The following PKIB variants were observed in gnomAD, a reference collection of about 807,000 sequenced individuals.
PKIB encodes PKI-beta.
A neutral mutation model predicts 4.5 loss-of-function variants in PKIB; 2 were observed. The observed-to-expected ratio is 0.44, with a 90% CI of 0.18 to 1.39. The LOEUF is 1.39. Among genes scored for constraint, PKIB ranks in the 40% most tolerant of loss-of-function variants. PKIB has a pLI of 0.27. For missense variants in PKIB, 94 were observed against 92.6 expected (o/e 1.02, Z -0.06); for synonymous variants, 38 against 36.0 (o/e 1.06, Z -0.20).
intron 3 of PKIB, among the ~76,000 whole-genome samples, chr6:122,714,581 G>C (rs560487541): frequency 6.6e-6 from 1 of 152,036 alleles, no homozygotes; most frequent in East Asian, 1.9e-4. Context: ...TGAAATAAAC[G>C]TGAAACCCAG....
intron 2 of PKIB, among the ~76,000 whole-genome samples, chr6:122,501,840 A>G (rs879511313): frequency 2.0e-5 from 3 of 151,884 alleles, no homozygotes; most frequent in Non-Finnish European, 4.4e-5. Flanking sequence ...TCATGCTGCA[A>G]ATTTTCCAAA....
At chr6:122,680,762 C>G (rs1349675400) in intron 3 of PKIB, among the ~76,000 whole-genome samples, 1 of 152,146 alleles carries the variant, frequency 6.6e-6, no homozygotes, top group African/African-American at 2.4e-5. Flanking sequence ...ACTGCAATTG[C>G]CTCCTAACTC....
At chr6:122,583,904 G>T (rs578249123) in intron 2 of PKIB, among the ~76,000 whole-genome samples, 5 of 152,146 alleles carry the variant, frequency 3.3e-5, no homozygotes, top group Middle Eastern at 3.4e-3. Flanking sequence ...GCCCCTTTTC[G>T]CAGTTTCACT....
chr6:122,544,410 T>C (rs912417266), intron 2 of PKIB, among the ~76,000 whole-genome samples: 1 of 151,978 alleles, frequency 6.6e-6, no homozygotes, highest in African/African-American at 2.4e-5. Context: ...CTAAATTGTC[T>C]GAGCATAACC....
At chr6:122,473,418 T>C (rs1775363186) in intron 1 of PKIB, among the ~76,000 whole-genome samples, 1 of 152,192 alleles carries the variant, frequency 6.6e-6, no homozygotes, top group African/African-American at 2.4e-5. Flanking sequence ...TAGAGTTTTT[T>C]CACCTGAGAT....
At chr6:122,688,573 A>G (rs570269466) in intron 3 of PKIB, among the ~76,000 whole-genome samples, 9 of 152,078 alleles carry the variant, frequency 5.9e-5, no homozygotes, top group African/African-American at 2.2e-4. Context: ...CAGTGAAGCC[A>G]TTGGGTCTCA....
chr6:122,587,589 G>A (rs1773889965), intron 3 of PKIB, among the ~76,000 whole-genome samples: 1 of 152,188 alleles, frequency 6.6e-6, no homozygotes, highest in African/African-American at 2.4e-5. Context: ...CTAGATCCCT[G>A]AGGAATTGTC....
chr6:122,689,080 C>T (rs1289558899), intron 3 of PKIB, among the ~76,000 whole-genome samples: 2 of 152,076 alleles, frequency 1.3e-5, no homozygotes, highest in African/African-American at 4.8e-5. Flanking sequence ...CACACCTGGC[C>T]GATCCTTTCA....
chr6:122,548,255 T>G (rs1412652123), intron 2 of PKIB, among the ~76,000 whole-genome samples: 1 of 152,222 alleles, frequency 6.6e-6, no homozygotes, highest in Non-Finnish European at 1.5e-5. Context: ...ATTTTAAATA[T>G]GAAAATAACC....
chr6:122,636,060 A>G (rs1029799987), intron 2 of PKIB, among the ~76,000 whole-genome samples: 8 of 152,240 alleles, frequency 5.3e-5, no homozygotes, highest in African/African-American at 1.9e-4. Flanking sequence ...TAACTCATTT[A>G]ATCCTCACAA....
At position 122,652,328 on chromosome 6, in the gene PKIB, GT is replaced by G. The variant is rs1776592486; in HGVS notation, c.-76+18962del. Among the ~76,000 whole-genome samples the G allele has an allele frequency of 2.4e-5, 2 of 84,578 alleles. 1 individual carries two copies. The highest frequency in any genetic ancestry group is 2.4e-4 in the Admixed American group (2 of 8,496). 55.5% of individuals were successfully genotyped at this position (84,578 alleles called of 152,430 possible). A position where few individuals can be genotyped will look rare whatever the true frequency, so the allele number is the denominator to read the frequency against. Reference sequence around the variant, plus strand: ...TGTGTGTGTGTGTGTGTGTGTGTGTGTGTGTGGAGAGAGAGAGATTTATTGA... The same window carrying G: ...TGTGTGTGTGTGTGTGTGTGTGTGTGGTGTGGAGAGAGAGAGATTTATTGA... On this transcript the variant is annotated intron_variant, in intron 2 of 4. Transcript: ENST00000368452.
chr6:122,519,961 A>G (rs895266165), intron 2 of PKIB, among the ~76,000 whole-genome samples: 1 of 152,160 alleles, frequency 6.6e-6, no homozygotes, highest in African/African-American at 2.4e-5. Flanking sequence ...CATTTTTCTC[A>G]TTTATCATGT....
In PKIB at chr6:122,564,867, C is replaced by T. The variant is rs1175569566; in HGVS notation, c.-247-21054C>T. 3.3e-5 allele frequency among the ~76,000 whole-genome samples: 5 copies of T among 152,186 alleles called. No individual in the cohort carries two copies. The East Asian group carries it at 7.7e-4, about 24-fold the overall frequency. On this transcript the variant is annotated intron_variant, in intron 2 of 6. Coordinates refer to the PKIB transcript ENST00000392491. ...ATTGGGTATTTCCAAGCATTTGCCG[C>T]CAGTGTTAGGGTTTCTCTGGAAGAA...
At chr6:122,592,271 C>T (rs1774041498) in intron 3 of PKIB, among the ~76,000 whole-genome samples, 1 of 152,076 alleles carries the variant, frequency 6.6e-6, no homozygotes, top group Non-Finnish European at 1.5e-5. Flanking sequence ...TTGCAAATTA[C>T]TTCCTGTAAA....
intron 2 of PKIB, among the ~76,000 whole-genome samples, chr6:122,574,368 A>G (rs1267000677): frequency 6.6e-6 from 1 of 152,194 alleles, no homozygotes; most frequent in Non-Finnish European, 1.5e-5. Context: ...TGCAATTCCC[A>G]TCAAAATATC....
chr6:122,561,359 C>T (rs1773006663), intron 2 of PKIB, among the ~76,000 whole-genome samples: 1 of 151,720 alleles, frequency 6.6e-6, no homozygotes, highest in African/African-American at 2.4e-5. Flanking sequence ...CTGAAGGTTC[C>T]TTTTGGAGTT....
intron 3 of PKIB, among the ~76,000 whole-genome samples, chr6:122,690,796 T>C (rs1429803964): frequency 6.6e-6 from 1 of 152,052 alleles, no homozygotes. Context: ...TTAACATTTC[T>C]TTTTCTTTCT....
At chr6:122,618,660 T>A (rs1775091302) in intron 1 of PKIB, among the ~76,000 whole-genome samples, 1 of 152,038 alleles carries the variant, frequency 6.6e-6, no homozygotes, top group South Asian at 2.1e-4. Flanking sequence ...ACTTAATAAA[T>A]CATCTTAGTA....
At chr6:122,474,400 C>T (rs1428305771) in intron 1 of PKIB, among the ~76,000 whole-genome samples, 1 of 152,052 alleles carries the variant, frequency 6.6e-6, no homozygotes, top group Non-Finnish European at 1.5e-5. Flanking sequence ...ATCTTTTTTT[C>T]TTATGAAATG....
Sources: gnomAD v4.1 joint callset for allele counts (sites outside exome capture counted in the v4.1 genomes callset) on GRCh38, gnomAD v4.1.1 for gene constraint, MANE v1.5 for transcripts, NCBI Gene and HGNC (gene_info 2026-07-23, HGNC 2026-07-21) for gene names.